KLHL38: variants seen among roughly 807,000 people sequenced by gnomAD.
The protein encoded by KLHL38 is kelch like family member 38.
KLHL38 carries 38 observed loss-of-function variants against 39.6 expected under a neutral mutation model. The observed-to-expected ratio is 0.96, with a 90% confidence interval of 0.74 to 1.26. KLHL38 has a LOEUF of 1.26. KLHL38 is among the 50% of genes most tolerant of loss of function. The probability of loss-of-function intolerance (pLI) is 0.00; values close to 1 mark genes in which losing one functional copy is unlikely to be tolerated. For missense variants in KLHL38, 803 were observed against 748.1 expected (o/e 1.07, Z -0.86); for synonymous variants, 322 against 302.2 (o/e 1.07, Z -0.68).
rs1812669018 is a variant in KLHL38, at chr8:123,652,363, C to G, written c.564G>C (p.Gly188=). 2.5e-6 allele frequency: 4 copies of G among 1,613,830 alleles called. No individual in the cohort carries two copies. Among genetic ancestry groups the G allele is most frequent in the Admixed American group, 1.7e-5 (1 of 59,986 alleles). ...LELRDYLGDD[G]LCGEEEKVFE... ...ACACCTTTTCCTCCTCCCCACAGAG[C>G]CCATCATCTCCGAGATAGTCCCTCA... The change falls in exon 2 of 4, where the codon GGG becomes GGC. Residue 188 remains glycine (G), a synonymous_variant. Transcript: ENST00000684634.
At chr8:123,652,981 C>T in intron 1 of KLHL38, 54 bp from the exon 2 acceptor site, 1 of 1,524,376 alleles carries the variant, frequency 6.6e-7, no homozygotes, top group Non-Finnish European at 8.8e-7. Flanking sequence ...CCTTTCTCAG[C>T]TGCATGTGCT....
rs1413305449 is a variant in KLHL38 at position 123,651,622 on chromosome 8, G to A, written c.1305C>T (p.Leu435=). ...TCTGCATGATGTCCTCTCCTCCAAA[G>A]AGATAGAGTCTTTGGTCTTTCACAG... is the stretch of plus-strand genomic sequence containing the variant. ...AVAVKDQRLY[L]FGGEDIMQNP... is the part of the protein sequence containing the mutation. The change falls in exon 2 of 4, where the codon CTC becomes CTT. Residue 435 remains leucine (L), a synonymous_variant. Transcript: ENST00000684634. 1 of 1,610,110 alleles carries A rather than the reference G, an allele frequency of 6.2e-7. No homozygotes were observed. Among genetic ancestry groups the A allele is most frequent in the East Asian group, 2.2e-5 (1 of 44,878 alleles).
chr8:123,648,075 C>G (rs1274514947), intron 2 of KLHL38, among the ~76,000 whole-genome samples: 1 of 152,084 alleles, frequency 6.6e-6, no homozygotes, highest in Non-Finnish European at 1.5e-5. Flanking sequence ...AGCGAAACTC[C>G]TTCTCAAAAA....
intron 2 of KLHL38, among the ~76,000 whole-genome samples, chr8:123,651,115 T>C (rs1300223215): frequency 1.3e-5 from 2 of 152,240 alleles, no homozygotes; most frequent in Non-Finnish European, 2.9e-5. Context: ...AATATCTTGC[T>C]GAAAATCCTT....
In KLHL38 at chr8:123,652,207, G is replaced by A; in HGVS notation, c.720C>T (p.Ala240=). ...GGCATGCAGGCGAGGACTGCAGGAG[G>A]GCATCGTTGGCGATGAAGTGGTGAA... ...AFFHHFIAND[A]LLQSSPACQI... is the part of the protein sequence containing the mutation. The change falls in exon 2 of 4, where the codon GCC becomes GCT. Residue 240 remains alanine (A), a synonymous_variant. Transcript: ENST00000684634. The A allele has an allele frequency of 6.2e-7, 1 of 1,614,206 alleles. No homozygotes were observed. Among genetic ancestry groups the A allele is most frequent in the Non-Finnish European group, 8.5e-7 (1 of 1,180,038 alleles).
At position 123,651,834 on chromosome 8, in the gene KLHL38, G is replaced by A; in HGVS notation, c.1093C>T (p.Leu365=). 6.2e-7 allele frequency: 1 copy of A among 1,614,200 alleles called. No individual in the cohort carries two copies. Among genetic ancestry groups the A allele is most frequent in the Non-Finnish European group, 8.5e-7 (1 of 1,180,044 alleles). Reference sequence around the variant, plus strand: ...CGGGCCACCAGCATGGGCTCCCCCAGCCTCCACTGATTGAGTTTCAGGGAG... The same window carrying A: ...CGGGCCACCAGCATGGGCTCCCCCAACCTCCACTGATTGAGTTTCAGGGAG... ...IFSLKLNQWR[L]GEPMLVARYS... The change falls in exon 2 of 4, where the codon CTG becomes TTG. Residue 365 remains leucine, a synonymous_variant. Coordinates refer to ENST00000684634, the MANE Select transcript of KLHL38 (RefSeq NM_001081675.3).
intron 2 of KLHL38, among the ~76,000 whole-genome samples, chr8:123,650,887 C>T (rs990722605): frequency 6.6e-6 from 1 of 152,146 alleles, no homozygotes; most frequent in Non-Finnish European, 1.5e-5. Flanking sequence ...TGGACCAAGG[C>T]TTGGGAATCT....
In KLHL38 at chr8:123,651,929, C is replaced by T. The variant is rs1812654388; in HGVS notation, c.998G>A (p.Ser333Asn). 6.2e-7 allele frequency: 1 copy of T among 1,614,134 alleles called. No homozygotes were observed. The highest frequency in any genetic ancestry group is 1.3e-5 in the African/African-American group (1 of 74,944). ...AGCCATGCCCCCCAGCACATAGATG[C>T]TGCGGTGCAAGGTGATGGCAGAGGC... The part of the protein sequence containing the change: ...YKASAITLHR[S>N]IYVLGGMAVS... The change falls in exon 2 of 4, where the codon AGC (serine) becomes AAC (asparagine). Residue 333 changes from serine to asparagine, a missense_variant. Transcript: ENST00000684634.
rs559576404 is a variant in KLHL38, at chr8:123,651,941, G to A, written c.986C>T (p.Thr329Ile). 18 of 1,614,252 alleles carry A rather than the reference G, an allele frequency of 1.1e-5. No homozygotes were observed. In the African/African-American group the frequency reaches 2.4e-4, roughly 22 times the overall value. Residue 329 changes from threonine to isoleucine, a missense_variant, in exon 2 of 4, where the codon ACC becomes ATC. Physicochemically the swap from Thr to Ile is moderately conservative, Grantham distance 89. Transcript: ENST00000684634. ...CAGCACATAGATGCTGCGGTGCAAG[G>A]TGATGGCAGAGGCCTTGTACAGCCG... Reference protein sequence around the residue: ...PTRLYKASAITLHRSIYVLGG... With the variant: ...PTRLYKASAIILHRSIYVLGG...
At position 123,652,302 on chromosome 8, in the gene KLHL38, G is replaced by T; in HGVS notation, c.625C>A (p.Gln209Lys). Reference sequence around the variant, plus strand: ...TCCTGCATGTATCGCTTCCGGGCCTGGAGGTCATGCTTGATCCAAACCATG... The same window carrying T: ...TCCTGCATGTATCGCTTCCGGGCCTTGAGGTCATGCTTGATCCAAACCATG... ...ALMVWIKHDL[Q>K]ARKRYMQELF... The change falls in exon 2 of 4, where the codon CAG becomes AAG. Residue 209 changes from glutamine (Q) to lysine (K), a missense_variant. Coordinates refer to ENST00000684634, the MANE Select transcript of KLHL38 (RefSeq NM_001081675.3). 3 of 1,613,964 alleles carry T rather than the reference G, an allele frequency of 1.9e-6. No individual in the cohort carries two copies. Among genetic ancestry groups the T allele is most frequent in the Non-Finnish European group, 2.5e-6 (3 of 1,180,022 alleles).
In KLHL38 at chr8:123,651,719, C is replaced by G; in HGVS notation, c.1208G>C (p.Arg403Thr). 1.2e-6 allele frequency: 2 copies of G among 1,614,198 alleles called. No homozygotes were observed. Among genetic ancestry groups the G allele is most frequent in the Non-Finnish European group, 1.7e-6 (2 of 1,180,034 alleles). Residue 403 changes from arginine (R) to threonine (T), a missense_variant, in exon 2 of 4, where the codon AGG (arginine) becomes ACG (threonine). Physicochemically the swap from Arg to Thr is moderately conservative, Grantham distance 71. Coordinates refer to ENST00000684634, the MANE Select transcript of KLHL38 (RefSeq NM_001081675.3). Reference protein sequence around the residue: ...EGQELMGSMERYDSICNVWES... With the variant: ...EGQELMGSMETYDSICNVWES... ...CCAGACATTGCAGATGCTGTCATACCTTTCCATGGAGCCCATGAGCTCCTG... is the reference window on the plus strand; with the variant it reads ...CCAGACATTGCAGATGCTGTCATACGTTTCCATGGAGCCCATGAGCTCCTG...
In KLHL38 at chr8:123,652,153, CTG is replaced by C. The variant is rs1473487042; in HGVS notation, c.772_773del (p.Gln258AspfsTer124). 1 of 1,614,204 alleles carries C rather than the reference CTG, an allele frequency of 6.2e-7. No individual in the cohort carries two copies. The highest frequency in any genetic ancestry group is 8.5e-7 in the Non-Finnish European group (1 of 1,180,026). On this transcript the variant is annotated frameshift_variant, in exon 2 of 4. Coordinates refer to ENST00000684634, the MANE Select transcript of KLHL38 (RefSeq NM_001081675.3). LOFTEE classifies it high-confidence loss of function. ...CQIILETAKRQMFSLCGTTVP... is the reference protein window; with the variant it reads ...CQIILETAKRXMFSLCGTTVP... ...CGGTGGTGCCACACAAAGAGAACAT[CTG>C]TCTCTTGGCGGTCTCCAAGATGATC...
chr8:123,647,598 G>A (rs749335394), intron 2 of KLHL38, among the ~76,000 whole-genome samples: 4 of 152,140 alleles, frequency 2.6e-5, no homozygotes, highest in African/African-American at 4.8e-5. Flanking sequence ...CAACACCCCC[G>A]AAACATGTTC....
In KLHL38 at chr8:123,646,906, C is replaced by T. The variant is rs746257837; in HGVS notation, c.1456+3G>A. 1.2e-5 allele frequency: 19 copies of T among 1,605,180 alleles called. 1 individual carries two copies. The South Asian group carries it at 2.1e-4, about 18-fold the overall frequency. ...CGCCCAGTGATCCTCTGTTCAGACT[C>T]ACCTCCCACAATGACAATCCGCTCC... is the stretch of plus-strand genomic sequence containing the variant. On this transcript the variant is annotated splice_donor_region_variant and intron_variant, in intron 3 of 3. Coordinates refer to ENST00000684634, the MANE Select transcript of KLHL38 (RefSeq NM_001081675.3).
At chr8:123,649,112 T>C (rs1669736682) in intron 2 of KLHL38, among the ~76,000 whole-genome samples, 1 of 152,250 alleles carries the variant, frequency 6.6e-6, no homozygotes, top group Non-Finnish European at 1.5e-5. Context: ...CTTGATATGC[T>C]AGCTTGAAGC....
rs775022860 is a variant in KLHL38 at position 123,651,938 on chromosome 8, A to G, written c.989T>C (p.Leu330Ser). 9.9e-6 allele frequency: 16 copies of G among 1,614,102 alleles called. No individual in the cohort carries two copies. Among genetic ancestry groups the G allele is most frequent in the Non-Finnish European group, 1.4e-5 (16 of 1,180,040 alleles). Residue 330 changes from leucine to serine, a missense_variant, in exon 2 of 4, where the codon TTG becomes TCG. Transcript: ENST00000684634. The part of the protein sequence containing the change: ...TRLYKASAIT[L>S]HRSIYVLGGM... ...CCCCAGCACATAGATGCTGCGGTGC[A>G]AGGTGATGGCAGAGGCCTTGTACAG...
At chr8:123,647,610 C>T (rs905487777) in intron 2 of KLHL38, among the ~76,000 whole-genome samples, 5 of 152,246 alleles carry the variant, frequency 3.3e-5, no homozygotes, top group Non-Finnish European at 7.4e-5. Flanking sequence ...AACATGTTCT[C>T]CTGTGAGTGT....
intron 3 of KLHL38, 141 bp from the exon 4 acceptor site, chr8:123,646,169 AC>A: frequency 1.4e-6 from 1 of 730,448 alleles, no homozygotes; most frequent in South Asian, 1.8e-5. Flanking sequence ...TGTTGAGCTA[AC>A]CTGCCAAGGC....
intron 2 of KLHL38, among the ~76,000 whole-genome samples, chr8:123,647,269 C>T (rs899881591): frequency 6.6e-6 from 1 of 152,132 alleles, no homozygotes; most frequent in Non-Finnish European, 1.5e-5. Context: ...AAGAGTTTTG[C>T]ATTGTAATAT....
Sources: allele counts gnomAD v4.1 joint callset (sites outside exome capture counted in the v4.1 genomes callset), GRCh38; gene constraint gnomAD v4.1.1; transcripts MANE v1.5; gene names NCBI Gene and HGNC (gene_info 2026-07-23, HGNC 2026-07-21).